DMXL1: variants seen among roughly 807,000 people sequenced by gnomAD.
DMXL1 encodes dmX-like protein 1.
DMXL1 carries 99 observed loss-of-function variants against 319.2 expected under a neutral mutation model. The ratio of observed to expected loss-of-function variants is 0.31; its 90% confidence interval spans 0.26 to 0.37. DMXL1 has a LOEUF of 0.37. DMXL1 is among the 10% of genes least tolerant of loss of function. The pLI is 1.00. For synonymous variants in DMXL1, 1,385 were observed against 1,235.2 expected (o/e 1.12, Z -2.54); for missense variants, 3,745 against 3,595.6 (o/e 1.04, Z -1.06).
At chr5:119,137,518 GTGCT>G (rs1766291680) in intron 13 of DMXL1, among the ~76,000 whole-genome samples, 2 of 152,180 alleles carry the variant, frequency 1.3e-5, no homozygotes, top group Admixed American at 1.3e-4. Flanking sequence ...TTATTGCTGT[GTGCT>G]CACCCAAATC....
At chr5:119,098,573 A>T (rs944694632) in intron 2 of DMXL1, among the ~76,000 whole-genome samples, 1 of 152,214 alleles carries the variant, frequency 6.6e-6, no homozygotes, top group African/African-American at 2.4e-5. Flanking sequence ...AGCCCATAAG[A>T]AAAGTGAAAA....
chr5:119,216,552 T>C (rs1783737758), intron 34 of DMXL1, among the ~76,000 whole-genome samples: 1 of 152,126 alleles, frequency 6.6e-6, no homozygotes. Flanking sequence ...AAAAATAATA[T>C]GAAAGAATTA....
Position 119,099,501 on chromosome 5 carries a change from A to G in DMXL1, c.213+1397A>G, listed in dbSNP as rs373916254. Among the ~76,000 whole-genome samples, 33 of 152,178 alleles carry G rather than the reference A, an allele frequency of 2.2e-4. 1 individual carries two copies. In the East Asian group the frequency reaches 4.4e-3, roughly 20 times the overall value. ...TGGGATTACGTGAGCCACTGCGCCC[A>G]GCCTATCCTTGAGATTTTTATTTTC... On this transcript the variant is annotated intron_variant, in intron 2 of 43. Transcript: ENST00000539542.
chr5:119,073,332 G>C (rs910527074), intron 1 of DMXL1, among the ~76,000 whole-genome samples: 1 of 152,308 alleles, frequency 6.6e-6, no homozygotes, highest in African/African-American at 2.4e-5. Context: ...AAAATGCTAG[G>C]ATTAGAGGCG....
At chr5:119,171,462 G>A (rs1404679532) in intron 24 of DMXL1, among the ~76,000 whole-genome samples, 182 bp downstream of exon 24, 6 of 152,056 alleles carry the variant, frequency 3.9e-5, no homozygotes, top group African/African-American at 7.2e-5. Context: ...AGTTACAGAC[G>A]ATTCAGTATC....
chr5:119,167,575 T>C (rs1773687481), intron 22 of DMXL1, 28 bp from the exon 23 acceptor site: 2 of 1,523,920 alleles, frequency 1.3e-6, no homozygotes, highest in Non-Finnish European at 1.8e-6. Flanking sequence ...TGCTCCTGCT[T>C]ATTTAAAAAC....
chr5:119,240,114 A>G (rs1279928006), intron 41 of DMXL1, among the ~76,000 whole-genome samples: 1 of 152,106 alleles, frequency 6.6e-6, no homozygotes, highest in Admixed American at 6.6e-5. Context: ...ACAAAAAAAA[A>G]TTTAAAAAAT....
At chr5:119,228,475 A>G (rs1786014267) in intron 38 of DMXL1, among the ~76,000 whole-genome samples, 2 of 152,216 alleles carry the variant, frequency 1.3e-5, no homozygotes, top group African/African-American at 2.4e-5. Flanking sequence ...TTATACAAGG[A>G]CACATCAGAT....
chr5:119,074,997 C>G (rs1297638833), intron 1 of DMXL1, among the ~76,000 whole-genome samples: 5 of 152,010 alleles, frequency 3.3e-5, no homozygotes, highest in Non-Finnish European at 5.9e-5. Flanking sequence ...TGAAAAAGTG[C>G]TAAGCTGTAA....
At chr5:119,167,510 C>T in intron 22 of DMXL1, 93 bp from the exon 23 acceptor site, 3 of 1,033,968 alleles carry the variant, frequency 2.9e-6, no homozygotes, top group South Asian at 1.6e-5. Flanking sequence ...ATTTATAAGC[C>T]TTTATATTTT....
At chr5:119,119,771 A>G (rs1184235021) in intron 8 of DMXL1, among the ~76,000 whole-genome samples, 1 of 152,140 alleles carries the variant, frequency 6.6e-6, no homozygotes, top group Non-Finnish European at 1.5e-5. Context: ...TCGGCCTCCC[A>G]AAGGACTGGG....
intron 28 of DMXL1, among the ~76,000 whole-genome samples, chr5:119,183,196 A>G (rs1455235942): frequency 6.6e-6 from 1 of 152,182 alleles, no homozygotes; most frequent in African/African-American, 2.4e-5. Context: ...CAGAAAATCC[A>G]CTTTTTGCTT....
At chr5:119,188,995 C>G (rs1413766885) in intron 28 of DMXL1, among the ~76,000 whole-genome samples, 1 of 152,058 alleles carries the variant, frequency 6.6e-6, no homozygotes, top group Non-Finnish European at 1.5e-5. Flanking sequence ...CTGCAAAATC[C>G]TTGATTGTCT....
At position 119,221,383 on chromosome 5, in the gene DMXL1, C is replaced by A. The variant is rs192012773; in HGVS notation, c.8277+302C>A. Among the ~76,000 whole-genome samples the A allele has an allele frequency of 5.3e-5, 8 of 152,106 alleles. No homozygotes were observed. The East Asian group carries it at 1.5e-3, about 29-fold the overall frequency. On this transcript the variant is annotated intron_variant, in intron 37 of 43. Transcript: ENST00000539542. Reference sequence around the variant, plus strand: ...GTGTTCCCCATAGATCAAATATTACCCATGACCTGTTTTTATATAGCTAAT... The same window carrying A: ...GTGTTCCCCATAGATCAAATATTACACATGACCTGTTTTTATATAGCTAAT...
At chr5:119,194,607 T>G (rs1219986449) in intron 30 of DMXL1, among the ~76,000 whole-genome samples, 2 of 152,228 alleles carry the variant, frequency 1.3e-5, no homozygotes, top group African/African-American at 4.8e-5. Context: ...TGAGGGACAT[T>G]GAAGTCATTC....
Position 119,092,228 on chromosome 5 carries a change from G to A in DMXL1, c.88-5751G>A, listed in dbSNP as rs540928934. ...ATGTGAGTTCTGGGTTATTTCTGGTGATACTTTCAGCACTGTATATTTGTT... is the reference window on the plus strand; with the variant it reads ...ATGTGAGTTCTGGGTTATTTCTGGTAATACTTTCAGCACTGTATATTTGTT... On this transcript the variant is annotated intron_variant, in intron 1 of 43. Coordinates refer to ENST00000539542, the MANE Select transcript of DMXL1 (RefSeq NM_001290321.3). Among the ~76,000 whole-genome samples, 3 of 152,060 alleles carry A rather than the reference G, an allele frequency of 2.0e-5. No individual in the cohort carries two copies. The South Asian group carries it at 6.3e-4, about 32-fold the overall frequency.
At chr5:119,123,173 C>T (rs994794831) in intron 9 of DMXL1, among the ~76,000 whole-genome samples, 4 of 151,902 alleles carry the variant, frequency 2.6e-5, no homozygotes, top group African/African-American at 4.8e-5. Context: ...CGTAGCGGCG[C>T]GCGCCTGCAA....
In DMXL1 at chr5:119,170,458, A is replaced by G. The variant is rs768262002; in HGVS notation, c.5667A>G (p.Arg1889=). 8.7e-5 allele frequency: 141 copies of G among 1,613,786 alleles called. No homozygotes were observed. Among genetic ancestry groups the G allele is most frequent in the Non-Finnish European group, 1.0e-4 (119 of 1,179,934 alleles). The part of the protein sequence containing the change: ...SKMPKVIKKT[R]PFYRASSFLD... ...TGCCTAAAGTCATCAAGAAAACAAGACCTTTTTATAGGGCTTCTAGTTTTC... is the reference window on the plus strand; with the variant it reads ...TGCCTAAAGTCATCAAGAAAACAAGGCCTTTTTATAGGGCTTCTAGTTTTC... Residue 1889 remains arginine (R), a synonymous_variant, in exon 24 of 44, where the codon AGA becomes AGG. Transcript: ENST00000539542.
chr5:119,119,715 T>C (rs1327789211), intron 8 of DMXL1, among the ~76,000 whole-genome samples: 1 of 151,930 alleles, frequency 6.6e-6, no homozygotes, highest in Admixed American at 6.6e-5. Flanking sequence ...TTACCATGTT[T>C]GCCAGGGCTG....
Sources: gnomAD v4.1 joint callset for allele counts (sites outside exome capture counted in the v4.1 genomes callset) on GRCh38, gnomAD v4.1.1 for gene constraint, MANE v1.5 for transcripts, NCBI Gene and HGNC (gene_info 2026-07-23, HGNC 2026-07-21) for gene names.